Variants in PPP6R3 observed in about 807,000 individuals in gnomAD.
PPP6R3 encodes the protein protein phosphatase 6 regulatory subunit 3.
A neutral mutation model predicts 110.7 loss-of-function variants in PPP6R3; 38 were observed. The ratio of observed to expected loss-of-function variants is 0.34; its 90% CI spans 0.26 to 0.45. The LOEUF (loss-of-function observed/expected upper bound fraction) is 0.45, where lower values mean the gene tolerates loss of function less well. PPP6R3 is among the 20% of genes least tolerant of loss of function. The pLI, the probability that PPP6R3 is intolerant of heterozygous loss-of-function variation, is 1.00. For missense variants in PPP6R3, 870 were observed against 1,062.4 expected (o/e 0.82, Z 2.52); for synonymous variants, 369 against 373.5 (o/e 0.99, Z 0.14).
chr11:68,513,451 T>C (rs946137998), intron 1 of PPP6R3, among the ~76,000 whole-genome samples: 1 of 152,150 alleles, frequency 6.6e-6, no homozygotes, highest in Non-Finnish European at 1.5e-5. Flanking sequence ...AAGTTAATTA[T>C]TATTGGGGCT....
chr11:68,547,289 C>T (rs568131039), intron 4 of PPP6R3, among the ~76,000 whole-genome samples: 1 of 152,158 alleles, frequency 6.6e-6, no homozygotes, highest in Admixed American at 6.5e-5. Context: ...TCAGTGAGAT[C>T]CTGTTATATA....
chr11:68,559,071 G>T (rs563815236), intron 8 of PPP6R3, among the ~76,000 whole-genome samples: 10 of 152,204 alleles, frequency 6.6e-5, no homozygotes, highest in African/African-American at 2.2e-4. Flanking sequence ...CATTCAGAAC[G>T]TCTCTCTGTC....
At chr11:68,517,192 C>T (rs1232331357) in intron 1 of PPP6R3, among the ~76,000 whole-genome samples, 1 of 150,960 alleles carries the variant, frequency 6.6e-6, no homozygotes, top group African/African-American at 2.4e-5. Flanking sequence ...AATTTTCTTT[C>T]CTGTTTTCTG....
At chr11:68,475,314 T>G (rs1374086942) in intron 1 of PPP6R3, among the ~76,000 whole-genome samples, 1 of 152,222 alleles carries the variant, frequency 6.6e-6, no homozygotes, top group South Asian at 2.1e-4. Flanking sequence ...TGTCTACTTC[T>G]TTCTACACAG....
chr11:68,600,295 A>G (rs752921884), intron 19 of PPP6R3, 46 bp from the exon 20 acceptor site: 1 of 1,576,690 alleles, frequency 6.3e-7, no homozygotes, highest in Admixed American at 1.7e-5. Context: ...GTGGTACATG[A>G]AACGACTGAA....
In PPP6R3 at chr11:68,596,092, C is replaced by T; in HGVS notation, c.1917-5C>T. ...GTTAAATACTTGGGTCTTGTTTTTC[C>T]TTAGCTCGGGGAGTACAGACAGTGA... On this transcript the variant is annotated splice_polypyrimidine_tract_variant and splice_region_variant and intron_variant, in intron 18 of 23. Coordinates refer to ENST00000393800, the MANE Select transcript of PPP6R3 (RefSeq NM_001164161.2). The T allele has an allele frequency of 6.2e-7, 1 of 1,614,026 alleles. No homozygotes were observed. The highest frequency in any genetic ancestry group is 8.5e-7 in the Non-Finnish European group (1 of 1,179,998).
chr11:68,533,871 C>T (rs1592686306), intron 2 of PPP6R3, among the ~76,000 whole-genome samples: 1 of 152,120 alleles, frequency 6.6e-6, no homozygotes, highest in Non-Finnish European at 1.5e-5. Flanking sequence ...GGCCACGCTG[C>T]TGGAGCACAC....
intron 14 of PPP6R3, 112 bp downstream of exon 14, chr11:68,576,155 T>C (rs1224025033): frequency 2.6e-6 from 2 of 757,364 alleles, no homozygotes; most frequent in South Asian, 2.0e-5. Context: ...GAGCCAAAGA[T>C]AAATTCTTAT....
chr11:68,493,528 T>A (rs2153447761), intron 1 of PPP6R3, among the ~76,000 whole-genome samples: 1 of 150,424 alleles, frequency 6.6e-6, no homozygotes, highest in East Asian at 1.9e-4. Flanking sequence ...CAGCCCTGGG[T>A]TCAAAGTGAT....
intron 1 of PPP6R3, among the ~76,000 whole-genome samples, chr11:68,491,040 G>C (rs745875762): frequency 6.6e-6 from 1 of 152,070 alleles, no homozygotes; most frequent in Non-Finnish European, 1.5e-5. Flanking sequence ...ACAAAAATTA[G>C]CTGGGCGTGG....
intron 8 of PPP6R3, 125 bp from the exon 9 acceptor site, chr11:68,564,178 T>A: frequency 2.9e-6 from 3 of 1,031,472 alleles, no homozygotes; most frequent in Non-Finnish European, 4.2e-6. Flanking sequence ...TATGCTTTTT[T>A]CCTAGCCTTT....
intron 4 of PPP6R3, 32 bp from the exon 5 acceptor site, chr11:68,548,035 T>G: frequency 6.3e-7 from 1 of 1,595,810 alleles, no homozygotes; most frequent in Middle Eastern, 1.7e-4. Flanking sequence ...CCAAGTTACA[T>G]GTCTTTCAGT....
intron 3 of PPP6R3, among the ~76,000 whole-genome samples, chr11:68,543,885 T>G (rs941073283): frequency 6.6e-6 from 1 of 152,194 alleles, no homozygotes; most frequent in African/African-American, 2.4e-5. Context: ...GCTGCCTGTT[T>G]GCAGAGGGTC....
intron 1 of PPP6R3, among the ~76,000 whole-genome samples, chr11:68,506,318 C>G (rs1050475862): frequency 6.9e-6 from 1 of 144,526 alleles, no homozygotes; most frequent in South Asian, 2.2e-4. Flanking sequence ...TTTGCACAGG[C>G]TGATCTCTAA....
chr11:68,600,549 A>G (rs1018324844), intron 20 of PPP6R3, 55 bp downstream of exon 20: 29 of 1,561,678 alleles, frequency 1.9e-5, no homozygotes, highest in Non-Finnish European at 6.9e-6. Context: ...GGGAATGGTC[A>G]GGTGTTTGCT....
At chr11:68,556,712 T>C (rs1225975619) in intron 7 of PPP6R3, among the ~76,000 whole-genome samples, 1 of 152,246 alleles carries the variant, frequency 6.6e-6, no homozygotes, top group African/African-American at 2.4e-5. Context: ...TGTAATTAAA[T>C]ATCTTTTTAT....
intron 5 of PPP6R3, among the ~76,000 whole-genome samples, chr11:68,550,082 T>A (rs1193842592): frequency 3.9e-5 from 6 of 152,218 alleles, no homozygotes; most frequent in Non-Finnish European, 8.8e-5. Flanking sequence ...ACATCACTTG[T>A]GAGCTTGTTA....
intron 19 of PPP6R3, among the ~76,000 whole-genome samples, chr11:68,598,021 T>C (rs780098270): frequency 6.6e-6 from 1 of 152,042 alleles, no homozygotes. Context: ...TTCACACTGT[T>C]GTGTAACAGG....
At chr11:68,514,733 C>T (rs1016581488) in intron 1 of PPP6R3, among the ~76,000 whole-genome samples, 43 of 152,056 alleles carry the variant, frequency 2.8e-4, no homozygotes, top group African/African-American at 1.0e-3. Context: ...TACAGGTGTG[C>T]ACCGCCACGC....
Sources: gnomAD v4.1 joint callset for allele counts (sites outside exome capture counted in the v4.1 genomes callset) on GRCh38, gnomAD v4.1.1 for gene constraint, MANE v1.5 for transcripts, NCBI Gene and HGNC (gene_info 2026-07-23, HGNC 2026-07-21) for gene names.